CLNK: variants seen among roughly 807,000 people sequenced by gnomAD.
The protein encoded by CLNK is cytokine-dependent hematopoietic cell linker.
A neutral mutation model predicts 68.6 loss-of-function variants in CLNK; 74 were observed. The ratio of observed to expected loss-of-function variants is 1.08; its 90% CI spans 0.89 to 1.31. The LOEUF is 1.31. Among genes scored for constraint, CLNK ranks in the 50% most tolerant of loss-of-function variants. The pLI, the probability that CLNK is intolerant of heterozygous loss-of-function variation, is 0.00. For missense variants in CLNK, 553 were observed against 515.3 expected (o/e 1.07, Z -0.71); for synonymous variants, 198 against 172.2 (o/e 1.15, Z -1.17).
the CLNK span, among the ~76,000 whole-genome samples, chr4:10,714,090 G>T: frequency 6.6e-6 from 1 of 152,130 alleles, no homozygotes; most frequent in Non-Finnish European, 1.5e-5. Flanking sequence ...AGTGGTGGAA[G>T]AAAGTGCCAG....
chr4:10,694,259 C>T, the CLNK span, among the ~76,000 whole-genome samples: 1 of 151,240 alleles, frequency 6.6e-6, no homozygotes, highest in African/African-American at 2.4e-5. Flanking sequence ...CCAGGTGGGA[C>T]CAAGTATGGG....
intron 5 of CLNK, among the ~76,000 whole-genome samples, chr4:10,568,549 G>A (rs1391602328): frequency 6.6e-6 from 1 of 152,154 alleles, no homozygotes; most frequent in Admixed American, 6.5e-5. Context: ...AAGCAGAAGA[G>A]GAAGTCAGAG....
intron 8 of CLNK, among the ~76,000 whole-genome samples, chr4:10,556,532 A>G (rs61795096): frequency 2.5e-4 from 38 of 152,284 alleles, no homozygotes; most frequent in Non-Finnish European, 4.4e-4. Flanking sequence ...AAGAAGTGAG[A>G]GTGGATGCCC....
At chr4:10,699,489 T>C in the CLNK span, among the ~76,000 whole-genome samples, 2 of 69,506 alleles carry the variant, frequency 2.9e-5, no homozygotes, top group Admixed American at 3.2e-4. Flanking sequence ...TCTCTCTCTC[T>C]CTCTCTATAT....
At chr4:10,578,491 C>G (rs1577142521) in intron 4 of CLNK, among the ~76,000 whole-genome samples, 1 of 151,934 alleles carries the variant, frequency 6.6e-6, no homozygotes, top group Non-Finnish European at 1.5e-5. Flanking sequence ...GCACATAACA[C>G]CAACACATGC....
At chr4:10,500,710 A>G (rs5000857) in intron 18 of CLNK, among the ~76,000 whole-genome samples, 106,442 of 151,448 alleles carry the variant, frequency 0.7, 37,644 homozygotes, top group Non-Finnish European at 0.75. Flanking sequence ...GGCCTGGCAT[A>G]TACATAGTCA....
chr4:10,687,501 C>T (rs537247975), upstream of CLNK, among the ~76,000 whole-genome samples: 1 of 151,472 alleles, frequency 6.6e-6, no homozygotes, highest in Non-Finnish European at 1.5e-5. Flanking sequence ...AAGAAGGCTT[C>T]TAAGAAAGAA....
the CLNK span, among the ~76,000 whole-genome samples, chr4:10,704,345 G>T: frequency 6.6e-6 from 1 of 152,090 alleles, no homozygotes; most frequent in African/African-American, 2.4e-5. Flanking sequence ...TGTCATTGGG[G>T]TTAAAAATAA....
the CLNK span, among the ~76,000 whole-genome samples, chr4:10,718,527 C>T: frequency 1.3e-5 from 2 of 151,114 alleles, no homozygotes; most frequent in African/African-American, 4.9e-5. Context: ...ACTGTAAAGC[C>T]AGCATTTTAT....
intron 1 of CLNK, among the ~76,000 whole-genome samples, chr4:10,682,174 A>T (rs1050799867): frequency 1.3e-5 from 2 of 152,010 alleles, no homozygotes; most frequent in African/African-American, 4.8e-5. Context: ...TATTGCTGAT[A>T]TCTAACCTGA....
At chr4:10,550,502 AT>A (rs1243404091) in intron 8 of CLNK, among the ~76,000 whole-genome samples, 1 of 152,126 alleles carries the variant, frequency 6.6e-6, no homozygotes, top group African/African-American at 2.4e-5. Context: ...CTCAAAAAAA[AT>A]AAATAAATAA....
At chr4:10,605,451 A>G (rs1721751592) in intron 2 of CLNK, among the ~76,000 whole-genome samples, 1 of 152,204 alleles carries the variant, frequency 6.6e-6, no homozygotes. Flanking sequence ...ACTGTAGGCA[A>G]TTGTAACACA....
chr4:10,498,120 G>A (rs183757088), intron 18 of CLNK, among the ~76,000 whole-genome samples: 168 of 149,642 alleles, frequency 1.1e-3, no homozygotes, highest in African/African-American at 3.5e-3. Context: ...GCTTGAACCC[G>A]GGAGGCAGAG....
At chr4:10,722,775 C>T in the CLNK span, among the ~76,000 whole-genome samples, 1 of 152,164 alleles carries the variant, frequency 6.6e-6, no homozygotes, top group Non-Finnish European at 1.5e-5. Flanking sequence ...GACGGCAGGG[C>T]GTGGTGGCTC....
intron 2 of CLNK, among the ~76,000 whole-genome samples, chr4:10,622,158 C>A (rs1042872934): frequency 7.2e-5 from 11 of 152,162 alleles, no homozygotes; most frequent in Non-Finnish European, 1.6e-4. Context: ...TCTTTGCATT[C>A]TCTTCCCCTT....
chr4:10,709,709 C>T, the CLNK span, among the ~76,000 whole-genome samples: 1 of 152,082 alleles, frequency 6.6e-6, no homozygotes, highest in Non-Finnish European at 1.5e-5. Flanking sequence ...ATTTTAAGAC[C>T]AGGCCTCCAG....
At chr4:10,526,693 G>A (rs1381422274) in intron 13 of CLNK, among the ~76,000 whole-genome samples, 2 of 152,142 alleles carry the variant, frequency 1.3e-5, no homozygotes, top group Non-Finnish European at 2.9e-5. Flanking sequence ...GCTAGGTTCC[G>A]ACCAGGGATA....
chr4:10,595,189 G>C (rs77961531), intron 3 of CLNK, among the ~76,000 whole-genome samples: 1 of 152,104 alleles, frequency 6.6e-6, no homozygotes, highest in Non-Finnish European at 1.5e-5. Context: ...CTTTCTACTG[G>C]GACTGTGACA....
chr4:10,703,028 A>T, the CLNK span, among the ~76,000 whole-genome samples: 1 of 152,198 alleles, frequency 6.6e-6, no homozygotes, highest in African/African-American at 2.4e-5. Context: ...TTCTTTATGG[A>T]GGTGGCATCA....
Sources: allele counts gnomAD v4.1 joint callset (sites outside exome capture counted in the v4.1 genomes callset), GRCh38; gene constraint gnomAD v4.1.1; transcripts MANE v1.5; gene names NCBI Gene and HGNC (gene_info 2026-07-23, HGNC 2026-07-21).